Variants in AFAP1 observed in about 807,000 individuals in gnomAD.
The protein encoded by AFAP1 is actin filament-associated protein 1.
AFAP1 carries 75 observed loss-of-function variants against 93.9 expected under a neutral mutation model. The ratio of observed to expected loss-of-function variants is 0.80; its 90% confidence interval spans 0.66 to 0.97. The LOEUF is 0.97. AFAP1 is among the 50% of genes least tolerant of loss of function. AFAP1 has a pLI of 0.00. For missense variants in AFAP1, 1,201 were observed against 1,050.8 expected, an observed-to-expected ratio of 1.14 and a Z score of -1.98; for synonymous variants, 517 against 430.7, an observed-to-expected ratio of 1.20 and a Z score of -2.48.
chr4:7,863,771 C>T (rs747342495), intron 3 of AFAP1, among the ~76,000 whole-genome samples: 1 of 152,182 alleles, frequency 6.6e-6, no homozygotes, highest in Non-Finnish European at 1.5e-5. Flanking sequence ...AAAAGACAAC[C>T]TTATTTGTTA....
chr4:7,811,924 AG>A (rs1720080399), intron 8 of AFAP1, among the ~76,000 whole-genome samples: 1 of 151,918 alleles, frequency 6.6e-6, no homozygotes, highest in Non-Finnish European at 1.5e-5. Context: ...TTAGAAACAA[AG>A]AACCCAGGAA....
At position 7,787,802 on chromosome 4, in the gene AFAP1, TG is replaced by T. The variant is rs1717448580; in HGVS notation, c.1413-1492del. Reference sequence around the variant, plus strand: ...CCAGGGCCTCGGGGCTCCGAGGGACTGGGTTTCTGCTCCGTCCCTGCGCTGT... The same window carrying T: ...CCAGGGCCTCGGGGCTCCGAGGGACTGGTTTCTGCTCCGTCCCTGCGCTGT... On this transcript the variant is annotated intron_variant, in intron 11 of 17. Coordinates refer to ENST00000420658, the MANE Select transcript of AFAP1 (RefSeq NM_001134647.2). Among the ~76,000 whole-genome samples the T allele has an allele frequency of 2.6e-5, 4 of 152,216 alleles. No individual in the cohort carries two copies. In the South Asian group the frequency reaches 8.3e-4, roughly 32 times the overall value.
At chr4:7,833,420 C>G (rs1384284597) in intron 6 of AFAP1, among the ~76,000 whole-genome samples, 1 of 152,086 alleles carries the variant, frequency 6.6e-6, no homozygotes, top group Non-Finnish European at 1.5e-5. Flanking sequence ...CACCAATGAT[C>G]AGGGAAAGCA....
chr4:7,786,149 G>T, intron 12 of AFAP1, 45 bp downstream of exon 12: 1 of 1,552,368 alleles, frequency 6.4e-7, no homozygotes, highest in Non-Finnish European at 8.9e-7. Flanking sequence ...TCACAGCCTC[G>T]GCCTCTAACA....
At chr4:7,786,512 C>T (rs1446284678) in intron 11 of AFAP1, among the ~76,000 whole-genome samples, 1 of 152,218 alleles carries the variant, frequency 6.6e-6, no homozygotes, top group East Asian at 1.9e-4. Context: ...GGCACATAAT[C>T]TGCAGAACTG....
chr4:7,876,034 A>C (rs1438614710), intron 1 of AFAP1, among the ~76,000 whole-genome samples: 4 of 152,216 alleles, frequency 2.6e-5, no homozygotes, highest in Non-Finnish European at 5.9e-5. Flanking sequence ...TAAATTTTAT[A>C]CTCAAAAAGG....
chr4:7,833,669 A>G (rs914027147), intron 6 of AFAP1, among the ~76,000 whole-genome samples: 22 of 148,850 alleles, frequency 1.5e-4, no homozygotes, highest in African/African-American at 5.0e-4. Context: ...GCTCACTGCA[A>G]CCTCCTCCTC....
intron 9 of AFAP1, among the ~76,000 whole-genome samples, chr4:7,808,342 C>A (rs1274634951): frequency 1.3e-5 from 2 of 152,196 alleles, no homozygotes; most frequent in Non-Finnish European, 2.9e-5. Flanking sequence ...CACTGAGGTT[C>A]CTATGATCCT....
intron 3 of AFAP1, among the ~76,000 whole-genome samples, chr4:7,857,632 A>C (rs1327019322): frequency 6.6e-6 from 1 of 152,224 alleles, no homozygotes; most frequent in African/African-American, 2.4e-5. Context: ...TCTGTACAGG[A>C]GTCCACATCC....
At chr4:7,857,330 A>G (rs1481418844) in intron 3 of AFAP1, among the ~76,000 whole-genome samples, 1 of 152,162 alleles carries the variant, frequency 6.6e-6, no homozygotes, top group Non-Finnish European at 1.5e-5. Context: ...GTGAATGACT[A>G]ATCACCCACT....
rs534417177 is a variant in AFAP1, at chr4:7,909,515, G to A, written c.-3+30141C>T. ...CAAATTATTGTTTCATGAAGAAAAG[G>A]TGGAATGGGTAGAGATCGGAATAGA... On this transcript the variant is annotated intron_variant, in intron 1 of 17. Transcript: ENST00000420658. 2.6e-5 allele frequency among the ~76,000 whole-genome samples: 4 copies of A among 152,202 alleles called. 1 individual carries two copies. Among genetic ancestry groups the A allele is most frequent in the Admixed American group, 2.6e-4 (4 of 15,286 alleles).
intron 3 of AFAP1, among the ~76,000 whole-genome samples, chr4:7,865,867 T>A (rs1716336830): frequency 6.6e-6 from 1 of 152,186 alleles, no homozygotes; most frequent in South Asian, 2.1e-4. Context: ...CTGCTTCTTT[T>A]GTTTTGGTTT....
intron 7 of AFAP1, among the ~76,000 whole-genome samples, chr4:7,818,004 A>G (rs1720634084): frequency 3.3e-5 from 5 of 152,196 alleles, no homozygotes; most frequent in Admixed American, 3.3e-4. Flanking sequence ...AGCCTGTTCC[A>G]TTACGGTATG....
In AFAP1 at chr4:7,872,939, TAAAAAAAAAA is replaced by T. The variant is rs1181240219; in HGVS notation, c.-2-869_-2-860del. Among the ~76,000 whole-genome samples the T allele has an allele frequency of 6.0e-3, 664 of 109,974 alleles. 4 individuals carry two copies. Among genetic ancestry groups the T allele is most frequent in the African/African-American group, 0.021 (584 of 28,352 alleles). The allele number at this position is 109,974 out of a possible 152,430, so 72.1% of individuals were successfully genotyped here. On this transcript the variant is annotated intron_variant, in intron 1 of 17. Coordinates refer to ENST00000420658, the MANE Select transcript of AFAP1 (RefSeq NM_001134647.2). ...AGGTTTTTTTTCCTTTTTTTTTTTT[TAAAAAAAAAA>T]AAAAAAAAAAACTACTTGGGCTGGG...
rs752297639 is a variant in AFAP1, at chr4:7,871,706, C to T, written c.127+246G>A. On this transcript the variant is annotated intron_variant, in intron 2 of 17. Transcript: ENST00000420658. ...TGAGTCCTTCCAGGTAATCTCCAAA[C>T]GCTGGGGTTGCCCTGAGGACTCCCA... Among the ~76,000 whole-genome samples the T allele has an allele frequency of 5.9e-5, 9 of 152,302 alleles. No homozygotes were observed. In the South Asian group the frequency reaches 8.3e-4, roughly 14 times the overall value.
Position 7,933,096 on chromosome 4 carries a change from C to G in AFAP1, c.-3+6560G>C, listed in dbSNP as rs552954847. ...GCAAAAAAAAATTGGTATCTGTTAA[C>G]CAGAGGCATTGAAAACCACCTCCCA... On this transcript the variant is annotated intron_variant, in intron 1 of 17. Transcript: ENST00000420658. Among the ~76,000 whole-genome samples, 126 of 149,854 alleles carry G rather than the reference C, an allele frequency of 8.4e-4. 1 individual carries two copies. Among genetic ancestry groups the G allele is most frequent in the African/African-American group, 2.9e-3 (118 of 40,658 alleles).
At chr4:7,767,234 C>G (rs1266035613) in intron 17 of AFAP1, among the ~76,000 whole-genome samples, 2 of 152,182 alleles carry the variant, frequency 1.3e-5, no homozygotes, top group African/African-American at 4.8e-5. Flanking sequence ...GGCTGTGCAT[C>G]TGAGGTGGCC....
chr4:7,863,566 T>C (rs981625847), intron 3 of AFAP1, among the ~76,000 whole-genome samples: 2 of 152,166 alleles, frequency 1.3e-5, no homozygotes, highest in African/African-American at 4.8e-5. Context: ...ACATGCTACA[T>C]CCCACACGTG....
intron 6 of AFAP1, among the ~76,000 whole-genome samples, chr4:7,823,400 G>A (rs931545689): frequency 7.2e-5 from 11 of 152,118 alleles, no homozygotes; most frequent in African/African-American, 2.4e-4. Flanking sequence ...CCCAGTCCTC[G>A]GCACTGGTTT....
Sources: gnomAD v4.1 joint callset for allele counts (sites outside exome capture counted in the v4.1 genomes callset) on GRCh38, gnomAD v4.1.1 for gene constraint, MANE v1.5 for transcripts, NCBI Gene and HGNC (gene_info 2026-07-23, HGNC 2026-07-21) for gene names.